ECI2: variants seen among roughly 807,000 people sequenced by gnomAD.
The protein encoded by ECI2 is enoyl-CoA delta isomerase 2, also known as D3,D2-enoyl-CoA isomerase.
A neutral mutation model predicts 38.4 loss-of-function variants in ECI2; 27 were observed. That is an observed-to-expected ratio of 0.70 (90% CI 0.52 to 0.97). The LOEUF (loss-of-function observed/expected upper bound fraction) is 0.97, where lower values mean the gene tolerates loss of function less well. ECI2 is among the 50% of genes least tolerant of loss of function. ECI2 has a pLI of 0.00. For synonymous variants in ECI2, 168 were observed against 172.0 expected (o/e 0.98, Z 0.18); for missense variants, 470 against 474.4 (o/e 0.99, Z 0.09).
At chr6:4,128,072 C>T (rs1271936789) in intron 4 of ECI2, among the ~76,000 whole-genome samples, 1 of 152,136 alleles carries the variant, frequency 6.6e-6, no homozygotes, top group Non-Finnish European at 1.5e-5. Flanking sequence ...CTATAAACCA[C>T]TTTTTTTCCA....
rs753557732 is a variant in ECI2, at chr6:4,130,646, G to C, written c.313-86C>G. On this transcript the variant is annotated intron_variant, in intron 3 of 9. Coordinates refer to ENST00000380118, the MANE Select transcript of ECI2 (RefSeq NM_206836.3). ...TTACTATACTAATAACTAACACCTT[G>C]CAATGAAGAAAGAATAGAAGCACAT... 2.5e-6 allele frequency: 4 copies of C among 1,605,414 alleles called. No homozygotes were observed. The South Asian group carries it at 3.3e-5, about 13-fold the overall frequency.
intron 1 of ECI2, 39 bp from the exon 2 acceptor site, chr6:4,133,750 C>T (rs1445990946): frequency 6.4e-7 from 1 of 1,553,108 alleles, no homozygotes; most frequent in African/African-American, 1.4e-5. Flanking sequence ...GTTCCCAACC[C>T]TCACATTTCT....
At chr6:4,118,434 CATACAT>C (rs1376113553) in intron 8 of ECI2, 2 of 152,246 alleles carry the variant, frequency 1.3e-5, no homozygotes, top group Non-Finnish European at 2.9e-5. Flanking sequence ...AGAGTAAAAA[CATACAT>C]ATATAAGTTT....
chr6:4,128,694 TAAACA>T (rs997833255), intron 4 of ECI2, among the ~76,000 whole-genome samples: 45 of 152,354 alleles, frequency 3.0e-4, no homozygotes, highest in African/African-American at 1.0e-3. Flanking sequence ...CATTAGTCCC[TAAACA>T]ATACAGTATA....
In ECI2 at chr6:4,116,824, G is replaced by A. The variant is rs116170338; in HGVS notation, c.1029+484C>T. Among the ~76,000 whole-genome samples, 766 of 152,336 alleles carry A rather than the reference G, an allele frequency of 5.0e-3. 5 individuals are homozygous for A. Among genetic ancestry groups the A allele is most frequent in the African/African-American group, 0.017 (718 of 41,570 alleles). ...TTCAGTGTGCATATAAATCGCTTCAGTAGGTGTGGGGCAGGCCTGTGATAA... is the reference window on the plus strand; with the variant it reads ...TTCAGTGTGCATATAAATCGCTTCAATAGGTGTGGGGCAGGCCTGTGATAA... On this transcript the variant is annotated intron_variant, in intron 9 of 9. Coordinates refer to ENST00000380118, the MANE Select transcript of ECI2 (RefSeq NM_206836.3).
At chr6:4,121,692 A>AG (rs1257850146) in intron 7 of ECI2, among the ~76,000 whole-genome samples, 2 of 125,168 alleles carry the variant, frequency 1.6e-5, no homozygotes, top group African/African-American at 2.8e-5. Context: ...AGTCATTTTT[A>AG]GTTTTTTTTT....
At chr6:4,126,320 A>T in intron 5 of ECI2, 83 bp from the exon 6 acceptor site, 1 of 1,177,700 alleles carries the variant, frequency 8.5e-7, no homozygotes, top group Non-Finnish European at 1.2e-6. Flanking sequence ...CTCTATGGTT[A>T]GGCAAGGGAA....
At chr6:4,125,005 G>A (rs1199616718) in intron 7 of ECI2, 5 of 631,076 alleles carry the variant, frequency 7.9e-6, no homozygotes, top group African/African-American at 1.8e-5. Flanking sequence ...TATACCTATT[G>A]TGGAATTTGA....
Position 4,117,319 on chromosome 6 carries a change from G to C in ECI2, c.1018C>G (p.Leu340Val). ...AGATGAATACTAACATTTGGGGGAA[G>C]CTTTGCAAATGCCTTCAGCCTGGTC... The part of the protein sequence containing the change: ...VWTRLKAFAK[L>V]PPNALRISKE... The change falls in exon 9 of 10, where the codon CTT becomes GTT. Residue 340 changes from leucine (L) to valine (V), a missense_variant. Physicochemically the swap from Leu to Val is conservative, Grantham distance 32. Transcript: ENST00000380118. 1 of 1,600,232 alleles carries C rather than the reference G, an allele frequency of 6.2e-7. No individual in the cohort carries two copies. Among genetic ancestry groups the C allele is most frequent in the East Asian group, 2.2e-5 (1 of 44,802 alleles).
Position 4,127,842 on chromosome 6 carries a change from G to T in ECI2, c.502-11C>A, listed in dbSNP as rs552724495. The T allele has an allele frequency of 1.9e-6, 3 of 1,606,088 alleles. No individual in the cohort carries two copies. The highest frequency in any genetic ancestry group is 2.5e-6 in the Non-Finnish European group (3 of 1,176,858). On this transcript the variant is annotated splice_polypyrimidine_tract_variant and intron_variant, in intron 4 of 9. Coordinates refer to ENST00000380118, the MANE Select transcript of ECI2 (RefSeq NM_206836.3). ...AATTTCATGATACATCTGTGTAATG[G>T]GAAGACAAGGAAAAGAAAAGAACTC...
Position 4,130,459 on chromosome 6 carries a change from C to G in ECI2, c.414G>C (p.Gly138=). The stretch of plus-strand genomic sequence containing the variant: ...CGGAGGTCACCACCAGAGTTTCAAA[C>G]CCAGTTGATTTCCTGTCTGTTCCAG... ...VEPGTDRKST[G]FETLVVTSED... Residue 138 remains glycine, a synonymous_variant, in exon 4 of 10, where the codon GGG becomes GGC. Transcript: ENST00000380118. 6.2e-7 allele frequency: 1 copy of G among 1,614,212 alleles called. No homozygotes were observed. The highest frequency in any genetic ancestry group is 8.5e-7 in the Non-Finnish European group (1 of 1,180,038).
chr6:4,130,960 TC>T, intron 2 of ECI2, 95 bp from the exon 3 acceptor site: 1 of 1,132,512 alleles, frequency 8.8e-7, no homozygotes, highest in Non-Finnish European at 1.3e-6. Context: ...CATGAATGCC[TC>T]CCCCAAATCC....
intron 4 of ECI2, 21 bp from the exon 5 acceptor site, chr6:4,127,852 G>A: frequency 1.2e-6 from 2 of 1,600,480 alleles, no homozygotes; most frequent in Admixed American, 1.7e-5. Flanking sequence ...GGAAGACAAG[G>A]AAAAGAAAAG....
intron 4 of ECI2, among the ~76,000 whole-genome samples, chr6:4,128,671 C>CT (rs1773331149): frequency 6.6e-6 from 1 of 152,288 alleles, no homozygotes; most frequent in East Asian, 1.9e-4. Flanking sequence ...CATGTACAGG[C>CT]TTTTTCTCTT....
rs368401698 is a variant in ECI2 at position 4,117,274 on chromosome 6, T to G, written c.1029+34A>C. ...AAATTTTTCCCTTAGGAAATCATTT[T>G]CAAGGTTCTTAGAAGTAAAAGATGA... On this transcript the variant is annotated intron_variant, in intron 9 of 9. Transcript: ENST00000380118. The G allele has an allele frequency of 5.1e-6, 8 of 1,556,718 alleles. No individual in the cohort carries two copies. The African/African-American group carries it at 8.3e-5, about 16-fold the overall frequency.
intron 4 of ECI2, among the ~76,000 whole-genome samples, chr6:4,128,590 G>A (rs187366816): frequency 6.6e-5 from 10 of 152,236 alleles, no homozygotes; most frequent in African/African-American, 1.9e-4. Context: ...CCGTATCCAC[G>A]GGTTCCACAT....
chr6:4,128,499 G>T (rs1326238892), intron 4 of ECI2, among the ~76,000 whole-genome samples: 1 of 152,190 alleles, frequency 6.6e-6, no homozygotes, highest in Non-Finnish European at 1.5e-5. Context: ...GTGTGGGAAA[G>T]AAATGAGGAA....
intron 8 of ECI2, chr6:4,118,873 A>G (rs1772462086): frequency 4.5e-6 from 1 of 221,074 alleles, no homozygotes; most frequent in African/African-American, 2.3e-5. Flanking sequence ...TGGTCCTTCA[A>G]GTGACTAATG....
Position 4,116,033 on chromosome 6 carries a change from G to A in ECI2, c.1030-4C>T. ...CCTCTTTTGAAATTCTCAAGGCCTG[G>A]AAAAACAAAACCAACAATAAGGTTA... On this transcript the variant is annotated splice_polypyrimidine_tract_variant and splice_region_variant and intron_variant, in intron 9 of 9. Transcript: ENST00000380118. 6.2e-7 allele frequency: 1 copy of A among 1,610,438 alleles called. No individual in the cohort carries two copies. The highest frequency in any genetic ancestry group is 8.5e-7 in the Non-Finnish European group (1 of 1,178,510).
Sources: allele counts gnomAD v4.1 joint callset (sites outside exome capture counted in the v4.1 genomes callset), GRCh38; gene constraint gnomAD v4.1.1; transcripts MANE v1.5; gene names NCBI Gene and HGNC (gene_info 2026-07-23, HGNC 2026-07-21).